ZNF233: variants seen among roughly 807,000 people sequenced by gnomAD.
The protein encoded by ZNF233 is zinc finger protein 233.
A neutral mutation model predicts 11.6 loss-of-function variants in ZNF233; 7 were observed. That is an observed-to-expected ratio of 0.60 (90% CI 0.34 to 1.13). ZNF233 has a LOEUF of 1.13. Among genes scored for constraint, ZNF233 ranks in the 50% most tolerant of loss-of-function variants. The probability of loss-of-function intolerance (pLI) is 0.03; values close to 1 mark genes in which losing one functional copy is unlikely to be tolerated. For synonymous variants in ZNF233, 226 were observed against 268.5 expected (o/e 0.84, Z 1.55); for missense variants, 711 against 785.5 (o/e 0.91, Z 1.13).
At chr19:44,267,014 C>T in intron 4 of ZNF233, 53 bp downstream of exon 4, 1 of 1,365,662 alleles carries the variant, frequency 7.3e-7, no homozygotes, top group Non-Finnish European at 1.0e-6. Context: ...GTCCTCTCCT[C>T]CTCACCACCT....
At position 44,266,876 on chromosome 19, in the gene ZNF233, C is replaced by T. The variant is rs1253581908; in HGVS notation, c.153C>T (p.Pro51=). 2 of 1,613,424 alleles carry T rather than the reference C, an allele frequency of 1.2e-6. No homozygotes were observed. The highest frequency in any genetic ancestry group is 2.2e-5 in the South Asian group (2 of 91,012). ...FRNLLSVGYQ[P]FKLDVILQLG... ...ATTTCTTTTTCACAGGCTATCAACCCTTCAAACTAGATGTGATATTACAGT... is the reference window on the plus strand; with the variant it reads ...ATTTCTTTTTCACAGGCTATCAACCTTTCAAACTAGATGTGATATTACAGT... The change falls in exon 4 of 5, where the codon CCC becomes CCT. Residue 51 remains proline, a synonymous_variant. Coordinates refer to ENST00000683810, the MANE Select transcript of ZNF233 (RefSeq NM_001207005.2).
chr19:44,274,588 C>T lies in ZNF233; in HGVS notation c.1928C>T (p.Thr643Ile), dbSNP rs745829504. 3 of 1,614,070 alleles carry T rather than the reference C, an allele frequency of 1.9e-6. No individual in the cohort carries two copies. The highest frequency in any genetic ancestry group is 2.5e-6 in the Non-Finnish European group (3 of 1,179,990). Residue 643 changes from threonine (T) to isoleucine (I), a missense_variant, in exon 5 of 5, where the codon ACT becomes ATT. By Grantham distance (89) the Thr-to-Ile change is moderately conservative (BLOSUM62 -1). Coordinates refer to ENST00000683810, the MANE Select transcript of ZNF233 (RefSeq NM_001207005.2). ...CTTCAAGCCCATCAGAGAGTCCATACTGGAGAGAAACCATACAAATGTTTT... is the reference window on the plus strand; with the variant it reads ...CTTCAAGCCCATCAGAGAGTCCATATTGGAGAGAAACCATACAAATGTTTT... The part of the protein sequence containing the change: ...SHLQAHQRVH[T>I]GEKPYKCFVC...
rs761276983 is a variant in ZNF233, at chr19:44,273,496, T to C, written c.836T>C (p.Leu279Pro). The change falls in exon 5 of 5, where the codon CTA becomes CCA. Residue 279 changes from leucine to proline, a missense_variant. Leu to Pro is a moderately conservative substitution (Grantham distance 98). Coordinates refer to ENST00000683810, the MANE Select transcript of ZNF233 (RefSeq NM_001207005.2). ...VGSNLELHQQ[L>P]HLRDKPHVNV... ...TCTAATCTTGAACTTCACCAGCAAC[T>C]ACACTTAAGAGACAAGCCTCATGTA... is the stretch of plus-strand genomic sequence containing the variant. The C allele has an allele frequency of 5.0e-6, 8 of 1,614,072 alleles. No individual in the cohort carries two copies. The African/African-American group carries it at 5.3e-5, about 11-fold the overall frequency.
chr19:44,264,100 C>A (rs1568632664), intron 1 of ZNF233, among the ~76,000 whole-genome samples: 2 of 152,054 alleles, frequency 1.3e-5, no homozygotes, highest in Non-Finnish European at 2.9e-5. Flanking sequence ...GCCACCACAC[C>A]CAGCTAATTA....
At chr19:44,262,823 G>A (rs1974974120) in intron 1 of ZNF233, among the ~76,000 whole-genome samples, 1 of 152,144 alleles carries the variant, frequency 6.6e-6, no homozygotes, top group Non-Finnish European at 1.5e-5. Flanking sequence ...TAGGATATTA[G>A]GTTCCTCATC....
intron 4 of ZNF233, chr19:44,267,351 CTTT>C (rs112959957): frequency 1.9e-4 from 70 of 376,534 alleles, no homozygotes; most frequent in South Asian, 7.1e-4. Context: ...GCCAAGGGTG[CTTT>C]TTTTTTTTTT....
chr19:44,271,533 G>A (rs1465601712), intron 4 of ZNF233, among the ~76,000 whole-genome samples: 1 of 149,170 alleles, frequency 6.7e-6, no homozygotes, highest in Non-Finnish European at 1.5e-5. Flanking sequence ...TTTTTGAGAC[G>A]GAGTCTCACT....
At chr19:44,267,042 G>T in intron 4 of ZNF233, 81 bp downstream of exon 4, 3 of 1,063,968 alleles carry the variant, frequency 2.8e-6, no homozygotes, top group Non-Finnish European at 4.1e-6. Flanking sequence ...CACCAGCCTG[G>T]CCCAAGACCC....
At chr19:44,262,352 AG>A (rs1415220792) in intron 1 of ZNF233, among the ~76,000 whole-genome samples, 2 of 152,218 alleles carry the variant, frequency 1.3e-5, no homozygotes, top group African/African-American at 2.4e-5. Context: ...GCAGGAGCAA[AG>A]GCACGAGAGG....
At chr19:44,266,375 G>A (rs1975085511) in intron 3 of ZNF233, 51 bp downstream of exon 3, 3 of 1,446,048 alleles carry the variant, frequency 2.1e-6, no homozygotes, top group Non-Finnish European at 2.7e-6. Context: ...GGACTGTCCT[G>A]CTTTCAATTA....
chr19:44,269,119 T>C (rs982495455), intron 4 of ZNF233, among the ~76,000 whole-genome samples: 5 of 152,194 alleles, frequency 3.3e-5, no homozygotes, highest in Non-Finnish European at 7.3e-5. Flanking sequence ...CTTCTTTGAC[T>C]GACTGCCTCA....
Position 44,273,497 on chromosome 19 carries a change from A to G in ZNF233, c.837A>G (p.Leu279=). The change falls in exon 5 of 5, where the codon CTA becomes CTG. Residue 279 remains leucine (L), a synonymous_variant. Transcript: ENST00000683810. ...CTAATCTTGAACTTCACCAGCAACT[A>G]CACTTAAGAGACAAGCCTCATGTAA... The part of the protein sequence containing the change: ...VGSNLELHQQ[L]HLRDKPHVNV... The G allele has an allele frequency of 6.2e-7, 1 of 1,614,220 alleles. No individual in the cohort carries two copies. The highest frequency in any genetic ancestry group is 2.2e-5 in the East Asian group (1 of 44,880).
rs867116452 is a variant in ZNF233, at chr19:44,273,123, G to A, written c.463G>A (p.Glu155Lys). The change falls in exon 5 of 5, where the codon GAG (glutamate) becomes AAG (lysine). Residue 155 changes from glutamate to lysine, a missense_variant. Physicochemically the swap from Glu to Lys is moderately conservative, Grantham distance 56 (BLOSUM62 1). Transcript: ENST00000683810. The part of the protein sequence containing the change: ...TGESSQVSED[E>K]NYVIKLQGES... ...AGAATCTAGTCAGGTCTCTGAAGAT[G>A]AGAACTATGTAATAAAGCTACAAGG... is the stretch of plus-strand genomic sequence containing the variant. The A allele has an allele frequency of 5.6e-6, 9 of 1,613,986 alleles. No individual in the cohort carries two copies. Among genetic ancestry groups the A allele is most frequent in the African/African-American group, 1.3e-5 (1 of 75,012 alleles).
intron 1 of ZNF233, among the ~76,000 whole-genome samples, chr19:44,260,963 C>T (rs1014609503): frequency 1.3e-5 from 2 of 152,178 alleles, no homozygotes; most frequent in Non-Finnish European, 2.9e-5. Context: ...CATTAATTAG[C>T]TTAATCTTCA....
intron 2 of ZNF233, among the ~76,000 whole-genome samples, chr19:44,265,157 C>T (rs1180879090): frequency 6.6e-6 from 1 of 151,964 alleles, no homozygotes; most frequent in East Asian, 1.9e-4. Context: ...TCACCCTTTC[C>T]CCCTGAGGCC....
intron 1 of ZNF233, chr19:44,260,273 G>C (rs146867371): frequency 1.2e-5 from 2 of 161,426 alleles, no homozygotes; most frequent in East Asian, 1.9e-4. Context: ...CTAACTGGTA[G>C]GGGTTTCGTG....
chr19:44,266,956 G>A lies in ZNF233; in HGVS notation c.233G>A (p.Cys78Tyr), dbSNP rs373752739. ...GAGACAGAAATCCAAGGAGATGGGT[G>A]TTCAGGTGAGAACCATGGAGCTCTG... Reference protein sequence around the residue: ...MMETEIQGDGCSGHKNQNEID... With the variant: ...MMETEIQGDGYSGHKNQNEID... Residue 78 changes from cysteine to tyrosine, a missense_variant, in exon 4 of 5, where the codon TGT becomes TAT. Transcript: ENST00000683810. 2.2e-5 allele frequency: 35 copies of A among 1,612,678 alleles called. No individual in the cohort carries two copies. Among genetic ancestry groups the A allele is most frequent in the Middle Eastern group, 1.6e-4 (1 of 6,076 alleles).
At chr19:44,267,278 T>C (rs1453807195) in intron 4 of ZNF233, 3 of 404,450 alleles carry the variant, frequency 7.4e-6, no homozygotes, top group African/African-American at 4.1e-5. Flanking sequence ...ATTGATTTCC[T>C]ATCCTTTGCT....
At chr19:44,272,797 T>C in intron 4 of ZNF233, 102 bp from the exon 5 acceptor site, 1 of 824,078 alleles carries the variant, frequency 1.2e-6, no homozygotes, top group Non-Finnish European at 1.9e-6. Flanking sequence ...CACTGGTTTA[T>C]TAAGGTTTCC....
Sources: gnomAD v4.1 joint callset for allele counts (sites outside exome capture counted in the v4.1 genomes callset) on GRCh38, gnomAD v4.1.1 for gene constraint, MANE v1.5 for transcripts, NCBI Gene and HGNC (gene_info 2026-07-23, HGNC 2026-07-21) for gene names.